The following CCZ1B variants were observed in gnomAD, a reference collection of about 807,000 sequenced individuals.
The protein encoded by CCZ1B is vacuolar fusion protein CCZ1 homolog B.
In CCZ1B, 25 loss-of-function variants were observed where a neutral mutation model predicts 58.8. That is an observed-to-expected ratio of 0.43 (90% CI 0.31 to 0.59). The LOEUF is 0.59. Ranked by LOEUF, CCZ1B falls within the 20% of genes least tolerant of loss-of-function variation. The pLI is 0.12. For synonymous variants in CCZ1B, 66 were observed against 173.2 expected (o/e 0.38, Z 4.86); for missense variants, 180 against 501.5 (o/e 0.36, Z 6.12).
chr7:6,811,960 C>G lies in CCZ1B; in HGVS notation c.946G>C (p.Val316Leu), dbSNP rs372795611. The G allele has an allele frequency of 6.3e-7, 1 of 1,581,784 alleles. No homozygotes were observed. The change falls in exon 10 of 15, where the codon GTT (valine) becomes CTT (leucine). Residue 316 changes from valine (V) to leucine (L), a missense_variant. By Grantham distance (32) the Val-to-Leu change is conservative (BLOSUM62 1). Coordinates refer to ENST00000316731, the MANE Select transcript of CCZ1B (RefSeq NM_198097.5). Reference sequence around the variant, plus strand: ...AGGAAAACAGTTGTTACCTTATAAACGATTAAATGGAGCTCTTCATAAGTG... The same window carrying G: ...AGGAAAACAGTTGTTACCTTATAAAGGATTAAATGGAGCTCTTCATAAGTG... ...DDTYEELHLIVYKAMSAAVCF... is the reference protein window; with the variant it reads ...DDTYEELHLILYKAMSAAVCF...
rs1359594788 is a variant in CCZ1B, at chr7:6,818,026, G to A, written c.698+1740C>T. ...TTCAAAAACAAAAAAAAAAGTAGATGGGTTTCACCTGAAATTTGTGTTGTC... is the reference window on the plus strand; with the variant it reads ...TTCAAAAACAAAAAAAAAAGTAGATAGGTTTCACCTGAAATTTGTGTTGTC... On this transcript the variant is annotated intron_variant, in intron 7 of 14. Transcript: ENST00000316731. Among the ~76,000 whole-genome samples, 13 of 148,810 alleles carry A rather than the reference G, an allele frequency of 8.7e-5. 2 individuals carry two copies. The highest frequency in any genetic ancestry group is 8.7e-4 in the Admixed American group (13 of 15,004).
In CCZ1B at chr7:6,813,097, T is replaced by C. The variant is rs1467653203; in HGVS notation, c.781-60A>G. 6 of 1,197,718 alleles carry C rather than the reference T, an allele frequency of 5.0e-6. No homozygotes were observed. In the African/African-American group the frequency reaches 9.8e-5, roughly 20 times the overall value. The allele number at this position is 1,197,718 out of a possible 1,614,324, so 74.2% of individuals were successfully genotyped here. A position where few individuals can be genotyped will look rare whatever the true frequency, so the allele number is the denominator to read the frequency against. ...AGACTTTTTATTTATTTTCCAAGCT[T>C]TGAAAAACAGCATTATCTACTAATT... On this transcript the variant is annotated intron_variant, in intron 8 of 14. Transcript: ENST00000316731.
chr7:6,810,011 T>A (rs1269445304), intron 10 of CCZ1B, among the ~76,000 whole-genome samples: 2 of 150,622 alleles, frequency 1.3e-5, no homozygotes, highest in Non-Finnish European at 3.0e-5. Flanking sequence ...ATGTTGAACG[T>A]GTTTTTTTTT....
At chr7:6,822,697 CTTT>C (rs965881838) in intron 5 of CCZ1B, among the ~76,000 whole-genome samples, 1 of 137,156 alleles carries the variant, frequency 7.3e-6, no homozygotes, top group African/African-American at 2.9e-5. Flanking sequence ...AATCACCAAA[CTTT>C]TTATCCTTTT....
rs550344487 is a variant in CCZ1B, at chr7:6,810,310, G to A, written c.954+1642C>T. ...TTATAGGCGTGAGCCACCATGCCCCGGCTAATGTCTTTCTTTTGTCTTATC... is the reference window on the plus strand; with the variant it reads ...TTATAGGCGTGAGCCACCATGCCCCAGCTAATGTCTTTCTTTTGTCTTATC... On this transcript the variant is annotated intron_variant, in intron 10 of 14. Transcript: ENST00000316731. Among the ~76,000 whole-genome samples the A allele has an allele frequency of 2.6e-4, 38 of 148,150 alleles. 2 individuals are homozygous for A. The highest frequency in any genetic ancestry group is 3.4e-4 in the Admixed American group (5 of 14,852).
rs1224906424 is a variant in CCZ1B at position 6,808,335 on chromosome 7, A to G, written c.955-2298T>C. Among the ~76,000 whole-genome samples the G allele has an allele frequency of 2.1e-4, 25 of 120,770 alleles. 1 individual carries two copies. The highest frequency in any genetic ancestry group is 6.6e-4 in the African/African-American group (24 of 36,248). 79.2% of individuals were successfully genotyped at this position (120,770 alleles called of 152,430 possible). A position where few individuals can be genotyped will look rare whatever the true frequency, so the allele number is the denominator to read the frequency against. On this transcript the variant is annotated intron_variant, in intron 10 of 14. Coordinates refer to ENST00000316731, the MANE Select transcript of CCZ1B (RefSeq NM_198097.5). The stretch of plus-strand genomic sequence containing the variant: ...CCACATGACCCCAACGGGAGAGGAC[A>G]GCCGGAAGCTCACACCAGAGTGGGA...
At position 6,799,065 on chromosome 7, in the gene CCZ1B, A is replaced by G. The variant is rs1386736981; in HGVS notation, c.*159T>C. The stretch of plus-strand genomic sequence containing the variant: ...ATTCCACATAAATATTTAAAATCTA[A>G]AAACCTCAGATCAGCAGACCGAGTC... On this transcript the variant is annotated 3_prime_UTR_variant, in exon 15 of 15. Coordinates refer to ENST00000316731, the MANE Select transcript of CCZ1B (RefSeq NM_198097.5). The G allele has an allele frequency of 8.8e-6, 4 of 452,566 alleles. 2 individuals are homozygous for G. The highest frequency in any genetic ancestry group is 1.4e-5 in the Non-Finnish European group (4 of 293,234). 28.0% of individuals were successfully genotyped at this position (452,566 alleles called of 1,614,324 possible). A position where few individuals can be genotyped will look rare whatever the true frequency, so the allele number is the denominator to read the frequency against.
chr7:6,802,077 G>A (rs1220131080), intron 12 of CCZ1B, among the ~76,000 whole-genome samples: 2 of 95,992 alleles, frequency 2.1e-5, no homozygotes, highest in Non-Finnish European at 4.1e-5. Flanking sequence ...GTAACACCTC[G>A]TTCCTCCCAC....
At position 6,822,249 on chromosome 7, in the gene CCZ1B, G is replaced by C. The variant is rs2711224; in HGVS notation, c.522+32C>G. On this transcript the variant is annotated intron_variant, in intron 6 of 14. Coordinates refer to ENST00000316731, the MANE Select transcript of CCZ1B (RefSeq NM_198097.5). ...TCTCTAAAAACCTGATGAATGCTTA[G>C]TAAAGTTATAAATGAAATTCAAAAT... 735,358 of 1,513,428 alleles carry C rather than the reference G, an allele frequency of 0.49. 195,903 individuals are homozygous for C. Among genetic ancestry groups the C allele is most frequent in the South Asian group, 0.81 (65,519 of 81,046 alleles). The allele number at this position is 1,513,428 out of a possible 1,614,324, so 93.7% of individuals were successfully genotyped here.
chr7:6,803,939 T>A (rs1182284882), intron 12 of CCZ1B, among the ~76,000 whole-genome samples: 1 of 135,920 alleles, frequency 7.4e-6, no homozygotes, highest in South Asian at 2.7e-4. Flanking sequence ...CAACTGAGAC[T>A]CTGTCTTAAA....
At chr7:6,807,238 AATC>A (rs1294388108) in intron 10 of CCZ1B, 1 of 113,636 alleles carries the variant, frequency 8.8e-6, no homozygotes, top group Non-Finnish European at 1.8e-5. Context: ...GCGGCAAGAG[AATC>A]ATGTGAACCT....
intron 6 of CCZ1B, among the ~76,000 whole-genome samples, chr7:6,821,475 A>G (rs1783109426): frequency 6.6e-6 from 1 of 152,302 alleles, no homozygotes; most frequent in African/African-American, 2.4e-5. Context: ...CAACAAAGAA[A>G]AGTAATTCAG....
chr7:6,815,442 T>C (rs549138311), intron 7 of CCZ1B, among the ~76,000 whole-genome samples: 6 of 149,366 alleles, frequency 4.0e-5, no homozygotes, highest in Admixed American at 6.7e-5. Context: ...GGATTACATA[T>C]GTGAGCCACT....
At position 6,819,984 on chromosome 7, in the gene CCZ1B, T is replaced by C. The variant is rs1401471986; in HGVS notation, c.523-43A>G. 1.6e-5 allele frequency: 25 copies of C among 1,520,480 alleles called. 1 individual carries two copies. The highest frequency in any genetic ancestry group is 2.2e-5 in the Non-Finnish European group (24 of 1,104,408). 94.2% of individuals were successfully genotyped at this position (1,520,480 alleles called of 1,614,324 possible). ...GGCATAAAATTTACTAATAGTACAC[T>C]GAATATAATGCTCCTTGATAACTGA... On this transcript the variant is annotated intron_variant, in intron 6 of 14. Coordinates refer to ENST00000316731, the MANE Select transcript of CCZ1B (RefSeq NM_198097.5).
chr7:6,810,639 C>T (rs982817673), intron 10 of CCZ1B, among the ~76,000 whole-genome samples: 2 of 147,974 alleles, frequency 1.4e-5, no homozygotes, highest in African/African-American at 2.6e-5. Flanking sequence ...ATTTTCCTGT[C>T]GACACAGGGT....
At chr7:6,820,636 T>C (rs1783093650) in intron 6 of CCZ1B, among the ~76,000 whole-genome samples, 1 of 148,866 alleles carries the variant, frequency 6.7e-6, no homozygotes, top group Admixed American at 6.7e-5. Flanking sequence ...AGTATTTAAT[T>C]CCTGGCCAGG....
chr7:6,810,371 G>T (rs1265692762), intron 10 of CCZ1B, among the ~76,000 whole-genome samples: 2 of 143,308 alleles, frequency 1.4e-5, no homozygotes, highest in Non-Finnish European at 3.0e-5. Context: ...AGAACTCTAT[G>T]CTCAAATTCA....
At chr7:6,818,564 AC>A in intron 7 of CCZ1B, among the ~76,000 whole-genome samples, 6 of 94,882 alleles carry the variant, frequency 6.3e-5, no homozygotes, top group African/African-American at 2.0e-4. Flanking sequence ...AGAAAGAAAG[AC>A]AGAAAGAAAG....
At chr7:6,818,049 G>T (rs1201705563) in intron 7 of CCZ1B, among the ~76,000 whole-genome samples, 4 of 149,176 alleles carry the variant, frequency 2.7e-5, no homozygotes, top group Non-Finnish European at 5.9e-5. Flanking sequence ...AATTTGTGTT[G>T]TCTTCCTAGG....
Sources: allele counts gnomAD v4.1 joint callset (sites outside exome capture counted in the v4.1 genomes callset), GRCh38; gene constraint gnomAD v4.1.1; transcripts MANE v1.5; gene names NCBI Gene and HGNC (gene_info 2026-07-23, HGNC 2026-07-21).